GLIS3: variants seen among roughly 807,000 people sequenced by gnomAD.
GLIS3 encodes the protein GLIS family zinc finger 3, also known as zinc finger protein GLIS3.
A neutral mutation model predicts 78.6 loss-of-function variants in GLIS3; 53 were observed. The ratio of observed to expected loss-of-function variants is 0.67; its 90% CI spans 0.54 to 0.85. The LOEUF (loss-of-function observed/expected upper bound fraction) is 0.85. Among genes scored for constraint, GLIS3 ranks in the 40% least tolerant of loss-of-function variants. The pLI, the probability that GLIS3 is intolerant of heterozygous loss-of-function variation, is 0.00. For synonymous variants in GLIS3, 684 were observed against 509.9 expected (o/e 1.34, Z -4.60); for missense variants, 1,703 against 1,231.1 (o/e 1.38, Z -5.74).
chr9:4,084,251 T>TAA (rs1459557970), intron 4 of GLIS3, among the ~76,000 whole-genome samples: 40 of 109,734 alleles, frequency 3.6e-4, no homozygotes, highest in East Asian at 2.8e-3. Context: ...TTCCTTCCTC[T>TAA]CTCTAACACA....
chr9:3,835,902 C>A (rs908634523), intron 9 of GLIS3, among the ~76,000 whole-genome samples: 8 of 152,162 alleles, frequency 5.3e-5, no homozygotes, highest in Non-Finnish European at 1.2e-4. Context: ...CTTTTTGGAG[C>A]CTGCATTTTA....
chr9:3,856,327 T>C lies in GLIS3; in HGVS notation c.2298-143A>G. 1.2e-5 allele frequency: 9 copies of C among 745,956 alleles called. No individual in the cohort carries two copies. In the Middle Eastern group the frequency reaches 1.8e-3, roughly 152 times the overall value. The allele number at this position is 745,956 out of a possible 1,614,324, so 46.2% of individuals were successfully genotyped here. A position where few individuals can be genotyped will look rare whatever the true frequency, so the allele number is the denominator to read the frequency against. On this transcript the variant is annotated intron_variant, in intron 8 of 10. Coordinates refer to ENST00000381971, the MANE Select transcript of GLIS3 (RefSeq NM_001042413.2). ...CCTTTTAAAAAAAAATCTTTCAGGA[T>C]TTTTCTCTACCCTCTCTCCCTCCCC...
At chr9:4,469,443 A>T in the GLIS3 span, among the ~76,000 whole-genome samples, 1 of 152,208 alleles carries the variant, frequency 6.6e-6, no homozygotes, top group African/African-American at 2.4e-5. Flanking sequence ...TGTCTCTCAG[A>T]CCACAGTGCA....
At chr9:4,247,739 CAAG>C (rs1823931875) in intron 2 of GLIS3, among the ~76,000 whole-genome samples, 1 of 151,800 alleles carries the variant, frequency 6.6e-6, no homozygotes, top group Non-Finnish European at 1.5e-5. Context: ...GAGAAAATCC[CAAG>C]ATTATAAACC....
chr9:4,213,301 C>T (rs569005650), intron 2 of GLIS3, among the ~76,000 whole-genome samples: 1 of 152,334 alleles, frequency 6.6e-6, no homozygotes, highest in Non-Finnish European at 1.5e-5. Flanking sequence ...GACAACCCAG[C>T]CACACCCTAA....
At chr9:4,205,472 G>T (rs183967779) in intron 2 of GLIS3, among the ~76,000 whole-genome samples, 3 of 152,230 alleles carry the variant, frequency 2.0e-5, no homozygotes, top group East Asian at 3.8e-4. Flanking sequence ...CTGAGAAAAA[G>T]ACATGCTGTC....
chr9:4,454,186 C>A, the GLIS3 span, among the ~76,000 whole-genome samples: 43 of 148,826 alleles, frequency 2.9e-4, no homozygotes, highest in South Asian at 2.4e-3. Context: ...AAGAAAAAAA[C>A]CAGAGACAGG....
At chr9:4,233,078 A>G (rs1370482098) in intron 2 of GLIS3, among the ~76,000 whole-genome samples, 1 of 152,236 alleles carries the variant, frequency 6.6e-6, no homozygotes, top group Non-Finnish European at 1.5e-5. Flanking sequence ...GGCCAATTAC[A>G]TAATTTTGAT....
intron 4 of GLIS3, among the ~76,000 whole-genome samples, chr9:3,965,395 T>C (rs1479991884): frequency 1.3e-5 from 2 of 151,956 alleles, no homozygotes; most frequent in East Asian, 3.9e-4. Context: ...GGTTTCACTA[T>C]GTTAGTCAGG....
intron 9 of GLIS3, among the ~76,000 whole-genome samples, chr9:3,836,401 CAT>C (rs1818355482): frequency 6.6e-6 from 1 of 152,238 alleles, no homozygotes. Flanking sequence ...TGGCCCCAGT[CAT>C]ATGGTGGCTG....
At chr9:4,277,942 C>T (rs577144693) in intron 2 of GLIS3, among the ~76,000 whole-genome samples, 3 of 152,322 alleles carry the variant, frequency 2.0e-5, no homozygotes, top group South Asian at 4.1e-4. Context: ...AAGTTGCCAA[C>T]TGCACCCTGT....
chr9:4,297,107 T>C (rs990978343), intron 1 of GLIS3, among the ~76,000 whole-genome samples: 2 of 148,976 alleles, frequency 1.3e-5, no homozygotes, highest in African/African-American at 5.0e-5. Context: ...CCAACACAAG[T>C]CGATTTTGTA....
chr9:3,896,931 AAT>A (rs1277240843), intron 7 of GLIS3, among the ~76,000 whole-genome samples: 1 of 152,098 alleles, frequency 6.6e-6, no homozygotes, highest in Admixed American at 6.5e-5. Flanking sequence ...CCGAATATAG[AAT>A]AGAGTCATGG....
At chr9:4,227,148 T>C (rs1335880584) in intron 2 of GLIS3, among the ~76,000 whole-genome samples, 2 of 152,128 alleles carry the variant, frequency 1.3e-5, no homozygotes, top group East Asian at 3.9e-4. Flanking sequence ...GCCTCAGGTC[T>C]TGCTGCAGCA....
chr9:4,337,799 C>A (rs909305554), intron 2 of GLIS3, among the ~76,000 whole-genome samples: 1 of 152,150 alleles, frequency 6.6e-6, no homozygotes, highest in Non-Finnish European at 1.5e-5. Flanking sequence ...CAGTACCAGG[C>A]TCCACTATCC....
At chr9:4,168,933 G>A (rs182677749) in intron 2 of GLIS3, among the ~76,000 whole-genome samples, 4 of 152,148 alleles carry the variant, frequency 2.6e-5, no homozygotes, top group African/African-American at 4.8e-5. Flanking sequence ...TATGCAAATC[G>A]TGGCAGCAAT....
chr9:4,261,752 G>C (rs532214524), intron 2 of GLIS3, among the ~76,000 whole-genome samples: 2 of 152,302 alleles, frequency 1.3e-5, no homozygotes, highest in Admixed American at 6.5e-5. Context: ...TCCCATTTCA[G>C]AGAGTCTTTA....
the GLIS3 span, among the ~76,000 whole-genome samples, chr9:4,402,433 G>C: frequency 0.011 from 1,745 of 152,240 alleles, 29 homozygotes; most frequent in African/African-American, 0.04. Context: ...ACATCTACAA[G>C]CATCAACACC....
At chr9:4,403,700 C>A in the GLIS3 span, among the ~76,000 whole-genome samples, 6 of 151,508 alleles carry the variant, frequency 4.0e-5, no homozygotes, top group East Asian at 7.7e-4. Context: ...TCATGGTAAC[C>A]TCAAAACAAA....
Sources: gnomAD v4.1 joint callset for allele counts (sites outside exome capture counted in the v4.1 genomes callset) on GRCh38, gnomAD v4.1.1 for gene constraint, MANE v1.5 for transcripts, NCBI Gene and HGNC (gene_info 2026-07-23, HGNC 2026-07-21) for gene names.